Variants in ITGA11 observed in about 807,000 individuals in gnomAD.
ITGA11 encodes integrin subunit alpha 11.
Under a neutral mutation model 141.9 loss-of-function variants are expected in ITGA11, and 97 were observed. That is an observed-to-expected ratio of 0.68 (90% CI 0.58 to 0.81). ITGA11 has a LOEUF of 0.81. Among genes scored for constraint, ITGA11 ranks in the 30% least tolerant of loss-of-function variants. The pLI, the probability that ITGA11 is intolerant of heterozygous loss-of-function variation, is 0.00. For missense variants in ITGA11, 1,387 were observed against 1,559.2 expected, an observed-to-expected ratio of 0.89 and a Z score of 1.86; for synonymous variants, 658 against 624.6, an observed-to-expected ratio of 1.05 and a Z score of -0.80.
chr15:68,316,716 C>A (rs1893592156), intron 21 of ITGA11, among the ~76,000 whole-genome samples: 1 of 152,264 alleles, frequency 6.6e-6, no homozygotes, highest in South Asian at 2.1e-4. Context: ...CAAGTCCACG[C>A]AGCTTGGCCT....
At chr15:68,355,904 T>C (rs1895057322) in intron 7 of ITGA11, among the ~76,000 whole-genome samples, 1 of 152,248 alleles carries the variant, frequency 6.6e-6, no homozygotes, top group South Asian at 2.1e-4. Flanking sequence ...TAAATGCCTT[T>C]GACACAGTCA....
intron 18 of ITGA11, among the ~76,000 whole-genome samples, chr15:68,323,503 C>T (rs938185285): frequency 2.0e-5 from 3 of 152,152 alleles, no homozygotes; most frequent in Non-Finnish European, 4.4e-5. Flanking sequence ...ATTAGAACAG[C>T]GCTGGGCATT....
At chr15:68,372,568 G>A (rs944048699) in intron 2 of ITGA11, among the ~76,000 whole-genome samples, 1 of 152,212 alleles carries the variant, frequency 6.6e-6, no homozygotes, top group Admixed American at 6.5e-5. Context: ...GGGAAAATGG[G>A]CAACAGACAT....
intron 1 of ITGA11, among the ~76,000 whole-genome samples, chr15:68,408,005 A>T (rs144307252): frequency 6.6e-6 from 1 of 152,162 alleles, no homozygotes; most frequent in Admixed American, 6.5e-5. Context: ...CTCCTCCCAT[A>T]TAGCTTCCCA....
At chr15:68,361,514 G>C (rs1036046852) in intron 5 of ITGA11, 76 bp downstream of exon 5, 5 of 933,358 alleles carry the variant, frequency 5.4e-6, no homozygotes, top group Non-Finnish European at 6.8e-6. Flanking sequence ...CTAGCCACAG[G>C]TTGTTGTGCT....
At chr15:68,382,575 G>A (rs1171498671) in intron 2 of ITGA11, among the ~76,000 whole-genome samples, 2 of 152,158 alleles carry the variant, frequency 1.3e-5, no homozygotes, top group East Asian at 3.9e-4. Context: ...ACCATCTGTG[G>A]GCCTATGCCA....
In ITGA11 at chr15:68,322,823, A is replaced by C. The variant is rs1893853465; in HGVS notation, c.2323-1320T>G. Among the ~76,000 whole-genome samples, 1 of 150,610 alleles carries C rather than the reference A, an allele frequency of 6.6e-6. No homozygotes were observed. The highest frequency in any genetic ancestry group is 6.6e-5 in the Admixed American group (1 of 15,038). ...CAGTGGGCCAAGATCGTGCCACTACACTCCAACCTGGGTGACAGAGGGAGA... is the reference window on the plus strand; with the variant it reads ...CAGTGGGCCAAGATCGTGCCACTACCCTCCAACCTGGGTGACAGAGGGAGA... On this transcript the variant is annotated intron_variant, in intron 18 of 29. Coordinates refer to ENST00000315757, the MANE Select transcript of ITGA11 (RefSeq NM_001004439.2). The surrounding 1 kb of genome is among the most constrained non-coding windows in gnomAD (Gnocchi z 5.6).
chr15:68,344,690 C>CAA (rs1292170682), intron 10 of ITGA11, among the ~76,000 whole-genome samples: 1 of 152,054 alleles, frequency 6.6e-6, no homozygotes, highest in Non-Finnish European at 1.5e-5. Flanking sequence ...AGGACCCTCC[C>CAA]ACACAGGGCT....
chr15:68,347,305 C>T (rs1310446082), intron 10 of ITGA11, among the ~76,000 whole-genome samples: 3 of 152,158 alleles, frequency 2.0e-5, no homozygotes, highest in Non-Finnish European at 4.4e-5. Flanking sequence ...CAGGACCCAG[C>T]ACAGAGAAGG....
intron 2 of ITGA11, among the ~76,000 whole-genome samples, chr15:68,371,098 G>A (rs989861494): frequency 3.9e-5 from 6 of 152,116 alleles, no homozygotes; most frequent in South Asian, 2.1e-4. Context: ...ATTTTTGACC[G>A]GCAGAAATTA....
At chr15:68,370,070 G>T (rs571379760) in intron 2 of ITGA11, among the ~76,000 whole-genome samples, 4 of 152,286 alleles carry the variant, frequency 2.6e-5, no homozygotes, top group African/African-American at 9.6e-5. Context: ...ACCAGAAGCT[G>T]GAAGAACCAA....
chr15:68,309,538 T>C lies in ITGA11; in HGVS notation c.3174+1456A>G, dbSNP rs1893308948. Among the ~76,000 whole-genome samples the C allele has an allele frequency of 2.6e-5, 4 of 151,728 alleles. No homozygotes were observed. In the South Asian group the frequency reaches 6.3e-4, roughly 24 times the overall value. On this transcript the variant is annotated intron_variant, in intron 26 of 29. Transcript: ENST00000315757. ...GTAAGCAATGATACCAACCATGTAG[T>C]CCATTCTTAAATGACTAAGAGTCCT...
At chr15:68,411,347 C>G (rs564034754) in intron 1 of ITGA11, among the ~76,000 whole-genome samples, 33 of 152,336 alleles carry the variant, frequency 2.2e-4, no homozygotes, top group Admixed American at 1.1e-3. Flanking sequence ...GGCTTATCCC[C>G]CTCCCACACA....
chr15:68,326,627 G>A lies in ITGA11; in HGVS notation c.2211+27C>T, dbSNP rs367701040. 5.7e-6 allele frequency: 9 copies of A among 1,572,164 alleles called. No homozygotes were observed. The Admixed American group carries it at 1.6e-4, about 29-fold the overall frequency. On this transcript the variant is annotated intron_variant, in intron 17 of 29. Coordinates refer to ENST00000315757, the MANE Select transcript of ITGA11 (RefSeq NM_001004439.2). This position sits in a 1 kb window ranked among gnomAD's most constrained non-coding sequence, Gnocchi z 6.8. ...GATGCTCCTTCCTATAGGAGCTTGG[G>A]CTCTGCTGGTGGGGCTGCCAGCTTA...
chr15:68,325,102 C>T lies in ITGA11; in HGVS notation c.2322+29G>A, dbSNP rs373001098. On this transcript the variant is annotated intron_variant, in intron 18 of 29. Coordinates refer to ENST00000315757, the MANE Select transcript of ITGA11 (RefSeq NM_001004439.2). This position sits in a 1 kb window ranked among gnomAD's most constrained non-coding sequence, Gnocchi z 5.5. ...TGGAGGTGGGGGTGGGGTTCATGCCCGAGGTGCGTGCCCTGTACCGAGATG... is the reference window on the plus strand; with the variant it reads ...TGGAGGTGGGGGTGGGGTTCATGCCTGAGGTGCGTGCCCTGTACCGAGATG... 2.2e-5 allele frequency: 34 copies of T among 1,546,508 alleles called. No homozygotes were observed. Among genetic ancestry groups the T allele is most frequent in the Middle Eastern group, 1.7e-4 (1 of 5,946 alleles).
intron 2 of ITGA11, among the ~76,000 whole-genome samples, chr15:68,385,248 G>A (rs1415564222): frequency 6.6e-6 from 1 of 152,230 alleles, no homozygotes; most frequent in Admixed American, 6.5e-5. Flanking sequence ...GATTCTCCCT[G>A]TAGTGAGGAG....
chr15:68,390,277 T>C (rs1896085897), intron 2 of ITGA11, among the ~76,000 whole-genome samples: 1 of 152,122 alleles, frequency 6.6e-6, no homozygotes, highest in Admixed American at 6.6e-5. Flanking sequence ...TCTGCCCTCT[T>C]ATCCTCCAAC....
In ITGA11 at chr15:68,390,422, G is replaced by C. The variant is rs185141395; in HGVS notation, c.164+12496C>G. On this transcript the variant is annotated intron_variant, in intron 2 of 29. Coordinates refer to ENST00000315757, the MANE Select transcript of ITGA11 (RefSeq NM_001004439.2). ...GCTGGGACCTGGATTTGGGGGCCGG[G>C]GCTGGGGAGTGATGTTCTTTCTCAC... Among the ~76,000 whole-genome samples, 159 of 152,232 alleles carry C rather than the reference G, an allele frequency of 1.0e-3. 1 individual carries two copies. The highest frequency in any genetic ancestry group is 3.8e-3 in the African/African-American group (156 of 41,524).
chr15:68,317,911 C>T (rs564502939), intron 20 of ITGA11, among the ~76,000 whole-genome samples: 4 of 152,198 alleles, frequency 2.6e-5, no homozygotes, highest in South Asian at 2.1e-4. Flanking sequence ...TGTGTGTCTG[C>T]GTGTCAGTGC....
Sources: allele counts gnomAD v4.1 joint callset (sites outside exome capture counted in the v4.1 genomes callset), GRCh38; gene constraint gnomAD v4.1.1; non-coding constraint Gnocchi (gnomAD v3.1); transcripts MANE v1.5; gene names NCBI Gene and HGNC (gene_info 2026-07-23, HGNC 2026-07-21).